The following KLRG1 variants were observed in gnomAD, a reference collection of about 807,000 sequenced individuals.
KLRG1 encodes killer cell lectin like receptor G1.
Under a neutral mutation model 21.8 loss-of-function variants are expected in KLRG1, and 16 were observed. That is an observed-to-expected ratio of 0.73 (90% CI 0.50 to 1.11). KLRG1 has a LOEUF of 1.11. Ranked by LOEUF, KLRG1 falls within the 50% of genes most tolerant of loss-of-function variation. The pLI, the probability that KLRG1 is intolerant of heterozygous loss-of-function variation, is 0.00. For synonymous variants in KLRG1, 69 were observed against 75.9 expected (o/e 0.91, Z 0.47); for missense variants, 173 against 218.3 (o/e 0.79, Z 1.31).
chr12:9,203,855 A>C, the KLRG1 span: 2 of 1,614,122 alleles, frequency 1.2e-6, no homozygotes, highest in Non-Finnish European at 8.5e-7. Context: ...CCAAGGAAGC[A>C]CTTACAGTCA....
At chr12:9,196,556 G>T in the KLRG1 span, 1 of 1,584,934 alleles carries the variant, frequency 6.3e-7, no homozygotes, top group Non-Finnish European at 8.7e-7. Flanking sequence ...TCCCATATTC[G>T]TTCATTACTC....
chr12:8,978,251 G>A (rs1946689598), intron 1 of KLRG1, among the ~76,000 whole-genome samples: 1 of 152,162 alleles, frequency 6.6e-6, no homozygotes, highest in East Asian at 1.9e-4. Flanking sequence ...ACTTCCTTGA[G>A]CATCTCTTGT....
chr12:9,103,785 T>C, the KLRG1 span, among the ~76,000 whole-genome samples: 6 of 152,212 alleles, frequency 3.9e-5, no homozygotes, highest in African/African-American at 1.4e-4. Context: ...TGTATTTATA[T>C]ACCACATTTT....
intron 3 of KLRG1, among the ~76,000 whole-genome samples, chr12:8,995,785 C>G (rs968946798): frequency 6.6e-6 from 1 of 151,732 alleles, no homozygotes; most frequent in African/African-American, 2.4e-5. Flanking sequence ...CAGGTTCAAG[C>G]GCTTCTCCTG....
At chr12:9,142,318 A>G in the KLRG1 span, among the ~76,000 whole-genome samples, 1 of 152,172 alleles carries the variant, frequency 6.6e-6, no homozygotes, top group South Asian at 2.1e-4. Flanking sequence ...TTTATTAAAA[A>G]ATTACACAAG....
At chr12:9,168,682 A>G in the KLRG1 span, 1 of 441,148 alleles carries the variant, frequency 2.3e-6, no homozygotes, top group African/African-American at 2.0e-5. Context: ...GGATGTATCT[A>G]AAAAAAAATC....
At chr12:8,970,336 G>A (rs1946545799) in intron 1 of KLRG1, 1 of 152,226 alleles carries the variant, frequency 6.6e-6, no homozygotes. Context: ...AATATTTACT[G>A]TGTGGCTTCT....
the KLRG1 span, chr12:9,098,859 T>A: frequency 1.5e-6 from 2 of 1,326,654 alleles, no homozygotes; most frequent in Non-Finnish European, 2.1e-6. Context: ...ATAACCACTC[T>A]GCTTGACTTC....
At chr12:9,192,047 C>G in the KLRG1 span, 2 of 650,334 alleles carry the variant, frequency 3.1e-6, no homozygotes, top group East Asian at 5.6e-5. Context: ...TTTAAAATGC[C>G]AAAGAGTCAT....
At chr12:9,088,889 GA>G in the KLRG1 span, among the ~76,000 whole-genome samples, 1 of 152,084 alleles carries the variant, frequency 6.6e-6, no homozygotes, top group African/African-American at 2.4e-5. Flanking sequence ...ATTATTTAAG[GA>G]AACATCCCTT....
chr12:9,196,921 G>T, the KLRG1 span: 6 of 1,063,980 alleles, frequency 5.6e-6, no homozygotes, highest in African/African-American at 4.8e-5. Context: ...TTTGCGACAA[G>T]CTTGTCCTGA....
chr12:8,967,274 A>G (rs1255604795), intron 1 of KLRG1, among the ~76,000 whole-genome samples: 3 of 152,144 alleles, frequency 2.0e-5, no homozygotes, highest in Admixed American at 6.5e-5. Context: ...AACATGGCAC[A>G]TGTATACATA....
At chr12:9,027,878 A>G in the KLRG1 span, 1 of 886,514 alleles carries the variant, frequency 1.1e-6, no homozygotes, top group Non-Finnish European at 1.9e-6. Flanking sequence ...CTCCATGACC[A>G]CTACCAAAGT....
chr12:9,108,817 G>C, the KLRG1 span, among the ~76,000 whole-genome samples: 1 of 152,196 alleles, frequency 6.6e-6, no homozygotes, highest in Non-Finnish European at 1.5e-5. Context: ...CCCGCCTTAG[G>C]TGGACTAGTG....
At chr12:9,003,151 T>C (rs1182279958) in intron 3 of KLRG1, among the ~76,000 whole-genome samples, 3 of 152,128 alleles carry the variant, frequency 2.0e-5, no homozygotes, top group African/African-American at 7.2e-5. Flanking sequence ...GATTGGGGTT[T>C]GTACGTGGGC....
chr12:9,192,323 C>T, the KLRG1 span: 2 of 1,482,066 alleles, frequency 1.3e-6, no homozygotes, highest in Middle Eastern at 1.7e-4. Context: ...CTATTCCCCA[C>T]ATGACCCACT....
At chr12:9,079,365 A>T in the KLRG1 span, 13 of 1,544,976 alleles carry the variant, frequency 8.4e-6, no homozygotes, top group African/African-American at 1.5e-4. Context: ...AGCACAATGG[A>T]TTAATGTGCA....
At chr12:9,111,201 T>C in the KLRG1 span, among the ~76,000 whole-genome samples, 157 of 152,346 alleles carry the variant, frequency 1.0e-3, 1 homozygote, top group African/African-American at 3.7e-3. Context: ...TACCTTCTCA[T>C]GCGCTGTGTA....
upstream of KLRG1, among the ~76,000 whole-genome samples, chr12:8,985,432 T>A (rs1161965848): frequency 2.0e-5 from 3 of 152,194 alleles, no homozygotes; most frequent in Non-Finnish European, 4.4e-5. Flanking sequence ...GGGTATCCTC[T>A]AATTCAATTC....
Sources: gnomAD v4.1 joint callset for allele counts (sites outside exome capture counted in the v4.1 genomes callset) on GRCh38, gnomAD v4.1.1 for gene constraint, MANE v1.5 for transcripts, NCBI Gene and HGNC (gene_info 2026-07-23, HGNC 2026-07-21) for gene names.